The following CTRC variants were observed in gnomAD, a reference collection of about 807,000 sequenced individuals.
CTRC encodes chymotrypsin-C.
CTRC carries 32 observed loss-of-function variants against 35.7 expected under a neutral mutation model. The ratio of observed to expected loss-of-function variants is 0.90; its 90% confidence interval spans 0.68 to 1.20. The LOEUF (loss-of-function observed/expected upper bound fraction) is 1.20. CTRC is among the 50% of genes most tolerant of loss of function. CTRC has a pLI of 0.00. For synonymous variants in CTRC, 119 were observed against 149.5 expected (o/e 0.80, Z 1.49); for missense variants, 324 against 361.5 (o/e 0.90, Z 0.84).
At chr1:15,442,704 C>T in intron 4 of CTRC, 132 bp downstream of exon 4, 3 of 1,304,918 alleles carry the variant, frequency 2.3e-6, no homozygotes, top group South Asian at 1.2e-5. Context: ...CAGCAAATGA[C>T]TGTCTTACAC....
intron 5 of CTRC, 80 bp from the exon 6 acceptor site, chr1:15,444,526 A>G: frequency 6.4e-7 from 1 of 1,572,958 alleles, no homozygotes; most frequent in Non-Finnish European, 8.7e-7. Context: ...TGTCCCAGGC[A>G]TCTGCTCCCT....
In CTRC at chr1:15,442,544, C is replaced by A; in HGVS notation, c.328C>A (p.His110Asn). 6.2e-7 allele frequency: 1 copy of A among 1,614,102 alleles called. No homozygotes were observed. The change falls in exon 4 of 8, where the codon CAC becomes AAC. Residue 110 changes from histidine (H) to asparagine (N), a missense_variant. His to Asn is a moderately conservative substitution (Grantham distance 68). Transcript: ENST00000375949. ...TGTGGGTGTGGACACCATCCACGTC[C>A]ACAAGAGATGGAATGCCCTCCTGTT... ...LFVGVDTIHV[H>N]KRWNALLLRN...
At position 15,442,436 on chromosome 1, in the gene CTRC, C is replaced by A. The variant is rs761792683; in HGVS notation, c.231-11C>A. The A allele has an allele frequency of 3.1e-6, 5 of 1,607,404 alleles. No homozygotes were observed. Among genetic ancestry groups the A allele is most frequent in the Non-Finnish European group, 4.2e-6 (5 of 1,176,780 alleles). On this transcript the variant is annotated splice_polypyrimidine_tract_variant and intron_variant, in intron 3 of 7. Coordinates refer to ENST00000375949, the MANE Select transcript of CTRC (RefSeq NM_007272.3). ...GGGGCCACCCTGACCTGGACCCCTTCCTCTGCCCAGCAACACCCGGACCTA... is the reference window on the plus strand; with the variant it reads ...GGGGCCACCCTGACCTGGACCCCTTACTCTGCCCAGCAACACCCGGACCTA...
In CTRC at chr1:15,447,701, T is replaced by A. The variant is rs1287467870; in HGVS notation, c.*1112T>A. The A allele has an allele frequency of 6.6e-6, 1 of 152,624 alleles. No individual in the cohort carries two copies. The highest frequency in any genetic ancestry group is 1.5e-5 in the Non-Finnish European group (1 of 68,356). 9.5% of individuals were successfully genotyped at this position (152,624 alleles called of 1,614,324 possible). A position where few individuals can be genotyped will look rare whatever the true frequency, so the allele number is the denominator to read the frequency against. On this transcript the variant is annotated 3_prime_UTR_variant, in exon 8 of 8. Transcript: ENST00000375949. ...CCAGCCCAGCCTCTGGACCCCTCGC[T>A]GGAGAGCCCTCGGCTGCAGCTACCT...
intron 3 of CTRC, among the ~76,000 whole-genome samples, chr1:15,441,018 G>A (rs564897860): frequency 5.9e-5 from 9 of 151,946 alleles, no homozygotes; most frequent in South Asian, 2.1e-4. Context: ...CGTCTCTACC[G>A]AAAATACAAA....
chr1:15,446,787 G>A lies in CTRC; in HGVS notation c.*198G>A. On this transcript the variant is annotated 3_prime_UTR_variant, in exon 8 of 8. Coordinates refer to ENST00000375949, the MANE Select transcript of CTRC (RefSeq NM_007272.3). ...CCTGCATTAGACAGGTGGGGAAACA[G>A]AGGCCGGGAGAGAGGGCCAAGGAAG... The A allele has an allele frequency of 1.4e-6, 1 of 695,286 alleles. No individual in the cohort carries two copies. Among genetic ancestry groups the A allele is most frequent in the Non-Finnish European group, 2.6e-6 (1 of 388,786 alleles). The allele number at this position is 695,286 out of a possible 1,614,324, so 43.1% of individuals were successfully genotyped here.
intron 5 of CTRC, 133 bp downstream of exon 5, chr1:15,443,688 T>C (rs1211063146): frequency 9.2e-7 from 1 of 1,090,396 alleles, no homozygotes; most frequent in Non-Finnish European, 1.4e-6. Context: ...TAACAGCTAA[T>C]ATTTACTAAG....
rs548832104 is a variant in CTRC at position 15,448,072 on chromosome 1, C to G, written c.*1483C>G. On this transcript the variant is annotated 3_prime_UTR_variant, in exon 8 of 8. Coordinates refer to ENST00000375949, the MANE Select transcript of CTRC (RefSeq NM_007272.3). The stretch of plus-strand genomic sequence containing the variant: ...ATGGCTTCCTGGAGGTGATGATGCC[C>G]AAGCTTGGTCTTAAAATTTGACTAG... 2 of 152,204 alleles carry G rather than the reference C, an allele frequency of 1.3e-5. No individual in the cohort carries two copies. The highest frequency in any genetic ancestry group is 1.3e-4 in the Admixed American group (2 of 15,280). The allele number at this position is 152,204 out of a possible 1,614,324, so 9.4% of individuals were successfully genotyped here.
Position 15,440,543 on chromosome 1 carries a change from G to A in CTRC, c.183G>A (p.Gly61=), listed in dbSNP as rs1233169873. The part of the protein sequence containing the change: ...KNDTWRHTCG[G]TLIASNFVLT... ...ACACGTGGAGGCATACGTGTGGCGG[G>A]ACTTTGATTGCTAGCAACTTCGTCC... Residue 61 remains glycine (G), a synonymous_variant, in exon 3 of 8, where the codon GGG becomes GGA. Transcript: ENST00000375949. 6.2e-7 allele frequency: 1 copy of A among 1,614,192 alleles called. No individual in the cohort carries two copies. The highest frequency in any genetic ancestry group is 2.2e-5 in the East Asian group (1 of 44,886).
intron 7 of CTRC, 48 bp from the exon 8 acceptor site, chr1:15,446,527 G>A: frequency 6.2e-7 from 1 of 1,603,242 alleles, no homozygotes; most frequent in Non-Finnish European, 8.5e-7. Context: ...TGCCACCCTA[G>A]AAGGTGGCAC....
At chr1:15,440,276 T>C (rs1306395121) in intron 1 of CTRC, 24 bp from the exon 2 acceptor site, 2 of 1,280,210 alleles carry the variant, frequency 1.6e-6, no homozygotes, top group Non-Finnish European at 2.1e-6. Flanking sequence ...ATTCACTGGT[T>C]CTTCTGGCCT....
intron 3 of CTRC, among the ~76,000 whole-genome samples, chr1:15,441,682 A>G (rs541740281): frequency 6.6e-6 from 1 of 150,656 alleles, no homozygotes; most frequent in East Asian, 1.9e-4. Flanking sequence ...CATTTTATAT[A>G]TTTCATATAC....
At chr1:15,442,799 GC>G (rs1452613135) in intron 4 of CTRC, among the ~76,000 whole-genome samples, 4 of 151,868 alleles carry the variant, frequency 2.6e-5, no homozygotes, top group Admixed American at 6.6e-5. Context: ...CACAAGGAAG[GC>G]CCCCCACAGT....
intron 3 of CTRC, among the ~76,000 whole-genome samples, chr1:15,441,472 C>T (rs1464247346): frequency 6.6e-6 from 1 of 151,780 alleles, no homozygotes; most frequent in Non-Finnish European, 1.5e-5. Context: ...GCAGGGGCAG[C>T]GTGTGCTAGA....
chr1:15,447,913 AC>A lies in CTRC; in HGVS notation c.*1328del, dbSNP rs1708244487. The A allele has an allele frequency of 6.6e-6, 1 of 152,200 alleles. No homozygotes were observed. Among genetic ancestry groups the A allele is most frequent in the Non-Finnish European group, 1.5e-5 (1 of 68,082 alleles). The allele number at this position is 152,200 out of a possible 1,614,324, so 9.4% of individuals were successfully genotyped here. A position where few individuals can be genotyped will look rare whatever the true frequency, so the allele number is the denominator to read the frequency against. On this transcript the variant is annotated 3_prime_UTR_variant, in exon 8 of 8. Coordinates refer to ENST00000375949, the MANE Select transcript of CTRC (RefSeq NM_007272.3). ...AGACCCGGGAATCCAGGATGGGGGT[AC>A]CCCAGCTGTGCAGGAGACAGACCAG... is the stretch of plus-strand genomic sequence containing the variant.
chr1:15,440,438 G>T (rs1005668610), intron 2 of CTRC, 47 bp downstream of exon 2: 3 of 1,612,296 alleles, frequency 1.9e-6, no homozygotes, highest in African/African-American at 2.7e-5. Flanking sequence ...GGGTGGCGGG[G>T]TGAGGGTCCC....
chr1:15,439,844 C>T (rs1412687627), intron 1 of CTRC, among the ~76,000 whole-genome samples: 6 of 152,164 alleles, frequency 3.9e-5, no homozygotes, highest in Non-Finnish European at 5.9e-5. Context: ...CAGGCTCAAG[C>T]GATTCTCCTG....
chr1:15,449,190 C>T lies in CTRC; in HGVS notation c.*2601C>T, dbSNP rs776370669. The T allele has an allele frequency of 2.6e-5, 4 of 152,002 alleles. No homozygotes were observed. Among genetic ancestry groups the T allele is most frequent in the Non-Finnish European group, 5.9e-5 (4 of 68,006 alleles). The allele number at this position is 152,002 out of a possible 1,614,324, so 9.4% of individuals were successfully genotyped here. A position where few individuals can be genotyped will look rare whatever the true frequency, so the allele number is the denominator to read the frequency against. The stretch of plus-strand genomic sequence containing the variant: ...TTGTCCACCATGCTCTGCTGCCCTG[C>T]AATGTAAAACATCCTCCAGAAAAAA... On this transcript the variant is annotated 3_prime_UTR_variant, in exon 8 of 8. Transcript: ENST00000375949.
chr1:15,443,863 T>C (rs780870735), intron 5 of CTRC, among the ~76,000 whole-genome samples: 1 of 152,148 alleles, frequency 6.6e-6, no homozygotes, highest in Admixed American at 6.6e-5. Context: ...ATCTGTGGTA[T>C]ACCGTATGCC....
Sources: gnomAD v4.1 joint callset for allele counts (sites outside exome capture counted in the v4.1 genomes callset) on GRCh38, gnomAD v4.1.1 for gene constraint, MANE v1.5 for transcripts, NCBI Gene and HGNC (gene_info 2026-07-23, HGNC 2026-07-21) for gene names.